The following RCOR3 variants were observed in gnomAD, a reference collection of about 807,000 sequenced individuals.
RCOR3 encodes the protein REST corepressor 3.
Under a neutral mutation model 64.1 loss-of-function variants are expected in RCOR3, and 13 were observed. The observed-to-expected ratio is 0.20, with a 90% confidence interval of 0.13 to 0.32. The LOEUF (loss-of-function observed/expected upper bound fraction) is 0.32, where lower values mean the gene tolerates loss of function less well. Among genes scored for constraint, RCOR3 ranks in the 10% least tolerant of loss-of-function variants. RCOR3 has a pLI of 1.00. For synonymous variants in RCOR3, 215 were observed against 239.0 expected (o/e 0.90, Z 0.93); for missense variants, 489 against 701.2 (o/e 0.70, Z 3.42).
chr1:211,282,492 T>C (rs1213134399), intron 7 of RCOR3, among the ~76,000 whole-genome samples: 1 of 151,808 alleles, frequency 6.6e-6, no homozygotes, highest in Non-Finnish European at 1.5e-5. Context: ...TTTCCTCAAT[T>C]GGATATTCTT....
chr1:211,296,041 G>A (rs1211795623), intron 9 of RCOR3, among the ~76,000 whole-genome samples: 1 of 152,186 alleles, frequency 6.6e-6, no homozygotes, highest in Non-Finnish European at 1.5e-5. Flanking sequence ...GCTCATTGAC[G>A]AGCAAGCTAG....
At position 211,267,516 on chromosome 1, in the gene RCOR3, TGTTA is replaced by T. The variant is rs927282333; in HGVS notation, c.224-3712_224-3709del. 3.1e-4 allele frequency among the ~76,000 whole-genome samples: 47 copies of T among 152,346 alleles called. 1 individual carries two copies. Among genetic ancestry groups the T allele is most frequent in the African/African-American group, 1.1e-3 (44 of 41,578 alleles). On this transcript the variant is annotated intron_variant, in intron 2 of 11. Transcript: ENST00000419091. ...ACCTGCTCACCGATATTGGAAGAGC[TGTTA>T]GTTCCCACAACTTGGATACCAGTTT...
At position 211,313,763 on chromosome 1, in the gene RCOR3, C is replaced by T. The variant is rs1701718321; in HGVS notation, c.1657C>T (p.His553Tyr). The T allele has an allele frequency of 1.2e-6, 2 of 1,611,878 alleles. No individual in the cohort carries two copies. Among genetic ancestry groups the T allele is most frequent in the African/African-American group, 1.3e-5 (1 of 74,868 alleles). Reference sequence around the variant, plus strand: ...TCAGACAGATTCACAGTCCTCACTGCACTAAAAATTAAATTGGACACAGCT... The same window carrying T: ...TCAGACAGATTCACAGTCCTCACTGTACTAAAAATTAAATTGGACACAGCT... ...GIQTDSQSSL[H>Y] The change falls in exon 12 of 12, where the codon CAC (histidine) becomes TAC (tyrosine). Residue 553 changes from histidine to tyrosine, a missense_variant. Around this residue, in one of 2 missense-constraint regions of RCOR3, gnomAD observed 402 missense variants for 617.0 expected, o/e 0.65. Coordinates refer to ENST00000419091, the MANE Select transcript of RCOR3 (RefSeq NM_001136223.3). The surrounding 1 kb of genome is among the most constrained non-coding windows in gnomAD (Gnocchi z 4.7).
chr1:211,290,700 C>T (rs1404964557), intron 8 of RCOR3, among the ~76,000 whole-genome samples: 1 of 152,122 alleles, frequency 6.6e-6, no homozygotes, highest in Non-Finnish European at 1.5e-5. Flanking sequence ...TCTATTACTT[C>T]TCTTTAGCTG....
chr1:211,274,364 C>T, intron 4 of RCOR3, 102 bp downstream of exon 4: 2 of 734,940 alleles, frequency 2.7e-6, no homozygotes, highest in Middle Eastern at 2.5e-4. Context: ...TAAGCTTGAC[C>T]AGCTATTTTA....
At chr1:211,266,850 T>C (rs536279350) in intron 2 of RCOR3, among the ~76,000 whole-genome samples, 1 of 152,336 alleles carries the variant, frequency 6.6e-6, no homozygotes, top group African/African-American at 2.4e-5. Flanking sequence ...CATGTTACTT[T>C]CTCCTGTTTT....
At chr1:211,271,362 C>G (rs1293516972) in intron 3 of RCOR3, 53 bp downstream of exon 3, 4 of 1,388,098 alleles carry the variant, frequency 2.9e-6, no homozygotes, top group Non-Finnish European at 4.1e-6. Flanking sequence ...TCAGCCAATT[C>G]AAAATATGAC....
intron 2 of RCOR3, among the ~76,000 whole-genome samples, chr1:211,263,452 ATTT>A (rs1457777033): frequency 2.0e-5 from 3 of 151,986 alleles, no homozygotes; most frequent in African/African-American, 7.2e-5. Context: ...GACTAATTGA[ATTT>A]TATTATTAGA....
At chr1:211,307,728 T>G (rs977108905) in intron 10 of RCOR3, among the ~76,000 whole-genome samples, 1 of 151,894 alleles carries the variant, frequency 6.6e-6, no homozygotes, top group Admixed American at 6.5e-5. Flanking sequence ...TAGTCATTAC[T>G]GCTTAAAAAA....
At chr1:211,287,820 G>A (rs1401876043) in intron 7 of RCOR3, among the ~76,000 whole-genome samples, 3 of 152,130 alleles carry the variant, frequency 2.0e-5, no homozygotes, top group Non-Finnish European at 4.4e-5. Flanking sequence ...GGAGATTACA[G>A]TGAGCCGAGA....
rs1397857314 is a variant in RCOR3 at position 211,259,371 on chromosome 1, T to C, written c.-190T>C. 1 of 543,716 alleles carries C rather than the reference T, an allele frequency of 1.8e-6. No homozygotes were observed. The highest frequency in any genetic ancestry group is 3.2e-6 in the Non-Finnish European group (1 of 313,110). The allele number at this position is 543,716 out of a possible 1,614,324, so 33.7% of individuals were successfully genotyped here. On this transcript the variant is annotated 5_prime_UTR_variant, in exon 1 of 12. Coordinates refer to ENST00000419091, the MANE Select transcript of RCOR3 (RefSeq NM_001136223.3). Reference sequence around the variant, plus strand: ...GAGAGGCGGGGCCGGGGCGGGTTGTTGTGAGGCGACTGCGCTACTGCCGGA... The same window carrying C: ...GAGAGGCGGGGCCGGGGCGGGTTGTCGTGAGGCGACTGCGCTACTGCCGGA...
chr1:211,274,864 T>C (rs922783029), intron 4 of RCOR3, among the ~76,000 whole-genome samples: 8 of 151,828 alleles, frequency 5.3e-5, no homozygotes, highest in Admixed American at 2.0e-4. Context: ...TATCTCAATA[T>C]TTTACACTAT....
intron 9 of RCOR3, 79 bp downstream of exon 9, chr1:211,295,832 T>A (rs1558093945): frequency 9.8e-7 from 1 of 1,021,688 alleles, no homozygotes; most frequent in Admixed American, 1.8e-5. Context: ...AGTACTATTT[T>A]GGTCACATGC....
Position 211,313,804 on chromosome 1 carries a change from C to G in RCOR3, c.*36C>G. On this transcript the variant is annotated 3_prime_UTR_variant, in exon 12 of 12. Transcript: ENST00000419091. The surrounding 1 kb of genome is among the most constrained non-coding windows in gnomAD (Gnocchi z 4.7). ...GGACACAGCTGCAGTAACTTTTCAC[C>G]CCATCATTATACCAGTGCTCATCTG... is the stretch of plus-strand genomic sequence containing the variant. 5.2e-6 allele frequency: 8 copies of G among 1,538,832 alleles called. No individual in the cohort carries two copies. Among genetic ancestry groups the G allele is most frequent in the Non-Finnish European group, 7.2e-6 (8 of 1,115,902 alleles).
chr1:211,308,666 T>TTTTGTTG (rs1701127907), intron 10 of RCOR3, among the ~76,000 whole-genome samples: 1 of 25,602 alleles, frequency 3.9e-5, no homozygotes, highest in African/African-American at 9.0e-5. Context: ...GATGTGTTTT[T>TTTTGTTG]TTTTTTGTTT....
intron 2 of RCOR3, among the ~76,000 whole-genome samples, chr1:211,268,355 A>C (rs184471321): frequency 0.028 from 4,036 of 145,214 alleles, 72 homozygotes; most frequent in South Asian, 0.068. Flanking sequence ...GATATATCAA[A>C]GTTTCTTTTC....
chr1:211,282,503 G>GTT (rs745846610), intron 7 of RCOR3, among the ~76,000 whole-genome samples: 62 of 138,080 alleles, frequency 4.5e-4, no homozygotes, highest in African/African-American at 9.5e-4. Context: ...GGATATTCTT[G>GTT]TTTTTTTTTT....
intron 2 of RCOR3, among the ~76,000 whole-genome samples, chr1:211,264,796 AC>A (rs1241111957): frequency 7.2e-5 from 11 of 152,210 alleles, no homozygotes; most frequent in African/African-American, 2.7e-4. Flanking sequence ...TAATTATGGA[AC>A]CATTGATAAT....
At chr1:211,302,960 G>A (rs567763758) in intron 9 of RCOR3, 2 of 151,916 alleles carry the variant, frequency 1.3e-5, no homozygotes, top group African/African-American at 4.8e-5. Context: ...TAGATTTGTT[G>A]TGCTCTTTTA....
Sources: allele counts gnomAD v4.1 joint callset (sites outside exome capture counted in the v4.1 genomes callset), GRCh38; gene constraint gnomAD v4.1.1; regional missense constraint gnomAD v4.1.1; non-coding constraint Gnocchi (gnomAD v3.1); transcripts MANE v1.5; gene names NCBI Gene and HGNC (gene_info 2026-07-23, HGNC 2026-07-21).